ARID4A: variants seen among roughly 807,000 people sequenced by gnomAD.
ARID4A encodes the protein AT-rich interactive domain-containing protein 4A.
A neutral mutation model predicts 148.6 loss-of-function variants in ARID4A; 39 were observed. That is an observed-to-expected ratio of 0.26 (90% confidence interval 0.20 to 0.34). ARID4A has a LOEUF of 0.34. Ranked by LOEUF, ARID4A falls within the 10% of genes least tolerant of loss-of-function variation. The probability of loss-of-function intolerance (pLI) is 1.00; values close to 1 mark genes in which losing one functional copy is unlikely to be tolerated. For synonymous variants in ARID4A, 475 were observed against 481.2 expected (o/e 0.99, Z 0.17); for missense variants, 1,265 against 1,449.1 (o/e 0.87, Z 2.06).
chr14:58,369,562 C>T (rs1280823491), intron 23 of ARID4A, among the ~76,000 whole-genome samples: 2 of 149,310 alleles, frequency 1.3e-5, no homozygotes, highest in African/African-American at 2.5e-5. Context: ...GAAGTGAGCA[C>T]CGAGATCGCG....
intron 23 of ARID4A, among the ~76,000 whole-genome samples, chr14:58,367,465 T>C (rs1238484046): frequency 1.3e-5 from 2 of 152,244 alleles, no homozygotes; most frequent in African/African-American, 4.8e-5. Flanking sequence ...TCAGCAACTT[T>C]AAAGAGCACA....
At chr14:58,341,050 C>T (rs943257889) in intron 11 of ARID4A, among the ~76,000 whole-genome samples, 8 of 152,050 alleles carry the variant, frequency 5.3e-5, no homozygotes, top group African/African-American at 1.5e-4. Flanking sequence ...TCTCCCCATC[C>T]CTCCATCAGT....
At chr14:58,303,826 A>C (rs191446180) in intron 3 of ARID4A, 1 of 194,966 alleles carries the variant, frequency 5.1e-6, no homozygotes, top group African/African-American at 2.3e-5. Flanking sequence ...TAAAAGTTTA[A>C]GAATCAGGTT....
Position 58,361,027 on chromosome 14 carries a change from A to G in ARID4A, c.2065A>G (p.Ser689Gly), listed in dbSNP as rs756033293. 1.1e-5 allele frequency: 18 copies of G among 1,613,854 alleles called. No homozygotes were observed. The highest frequency in any genetic ancestry group is 1.5e-5 in the Non-Finnish European group (18 of 1,179,892). Residue 689 changes from serine (S) to glycine (G), a missense_variant, in exon 19 of 24, where the codon AGT (serine) becomes GGT (glycine). Physicochemically the swap from Ser to Gly is moderately conservative, Grantham distance 56. Coordinates refer to ENST00000355431, the MANE Select transcript of ARID4A (RefSeq NM_002892.4). ...MPYGLSKTAN[S>G]EGKSDSCSSD... ...GTATGGCTTATCTAAGACAGCAAAC[A>G]GTGAAGGAAAATCAGGTACCAGAAG...
intron 1 of ARID4A, 57 bp from the exon 2 acceptor site, chr14:58,299,741 G>A (rs1489847635): frequency 6.9e-7 from 1 of 1,446,356 alleles, no homozygotes; most frequent in Non-Finnish European, 9.7e-7. Flanking sequence ...TCTTTCCCTT[G>A]GTCGCTCCCC....
At chr14:58,346,810 C>T (rs1231764500) in intron 13 of ARID4A, among the ~76,000 whole-genome samples, 1 of 150,456 alleles carries the variant, frequency 6.6e-6, no homozygotes, top group Non-Finnish European at 1.5e-5. Flanking sequence ...TGCCTGTGGT[C>T]CCAACTACTC....
chr14:58,371,955 C>T lies in ARID4A; in HGVS notation c.3740C>T (p.Pro1247Leu). 1 of 1,611,860 alleles carries T rather than the reference C, an allele frequency of 6.2e-7. No homozygotes were observed. The change falls in exon 24 of 24, where the codon CCC becomes CTC. Residue 1247 changes from proline to leucine, a missense_variant. Transcript: ENST00000355431. The part of the protein sequence containing the change: ...DTGMSPSSSS[P>L]PQNVLAVECR ...GGAATGAGTCCCTCATCATCATCTC[C>T]CCCACAAAATGTACTTGCTGTAGAA...
intron 15 of ARID4A, among the ~76,000 whole-genome samples, chr14:58,348,302 A>C (rs1366528587): frequency 6.6e-6 from 1 of 152,208 alleles, no homozygotes; most frequent in Non-Finnish European, 1.5e-5. Flanking sequence ...CTACACTAGA[A>C]TCACACTCCA....
At chr14:58,336,220 T>A (rs956893178) in intron 11 of ARID4A, among the ~76,000 whole-genome samples, 1 of 152,268 alleles carries the variant, frequency 6.6e-6, no homozygotes, top group Non-Finnish European at 1.5e-5. Flanking sequence ...TGCATTCTTA[T>A]AATACACATA....
intron 15 of ARID4A, among the ~76,000 whole-genome samples, chr14:58,348,182 T>G (rs1245938395): frequency 6.6e-6 from 1 of 152,198 alleles, no homozygotes; most frequent in African/African-American, 2.4e-5. Context: ...TCACCTTATC[T>G]GAAATTGTAA....
At chr14:58,358,596 T>TA (rs1351657837) in intron 17 of ARID4A, among the ~76,000 whole-genome samples, 3 of 152,288 alleles carry the variant, frequency 2.0e-5, no homozygotes, top group African/African-American at 4.8e-5. Context: ...CAGATATCTC[T>TA]AAAAAATTTC....
chr14:58,310,634 C>T (rs1464727959), intron 5 of ARID4A, among the ~76,000 whole-genome samples: 2 of 151,034 alleles, frequency 1.3e-5, no homozygotes, highest in African/African-American at 2.4e-5. Flanking sequence ...CAAAGTGGAT[C>T]AAAGACTTAA....
At chr14:58,331,077 TGAAAC>T (rs2033489917) in intron 11 of ARID4A, among the ~76,000 whole-genome samples, 1 of 152,216 alleles carries the variant, frequency 6.6e-6, no homozygotes, top group Non-Finnish European at 1.5e-5. Context: ...ATTTATGAAA[TGAAAC>T]GAGTATAGTC....
At chr14:58,367,938 A>G (rs1005675479) in intron 23 of ARID4A, among the ~76,000 whole-genome samples, 12 of 152,182 alleles carry the variant, frequency 7.9e-5, no homozygotes, top group African/African-American at 2.2e-4. Flanking sequence ...AAGCAAGCCA[A>G]TTAATACCAT....
intron 11 of ARID4A, among the ~76,000 whole-genome samples, chr14:58,337,247 T>TAC (rs2033873868): frequency 1.4e-5 from 1 of 73,830 alleles, no homozygotes; most frequent in Non-Finnish European, 2.5e-5. Flanking sequence ...TCTCTTTATT[T>TAC]ATATATATAT....
intron 11 of ARID4A, among the ~76,000 whole-genome samples, chr14:58,332,889 G>A (rs1472555952): frequency 1.3e-5 from 2 of 152,078 alleles, no homozygotes; most frequent in Admixed American, 6.5e-5. Context: ...TTTTAGTATA[G>A]CAAGCAAATT....
intron 19 of ARID4A, among the ~76,000 whole-genome samples, chr14:58,363,903 A>G (rs1017061475): frequency 6.6e-6 from 1 of 152,158 alleles, no homozygotes; most frequent in East Asian, 1.9e-4. Flanking sequence ...TAAATATGAT[A>G]CTGGGGAATG....
Position 58,373,170 on chromosome 14 carries a change from C to T in ARID4A, c.*1181C>T, listed in dbSNP as rs1025571334. On this transcript the variant is annotated 3_prime_UTR_variant, in exon 24 of 24. Coordinates refer to ENST00000355431, the MANE Select transcript of ARID4A (RefSeq NM_002892.4). Reference sequence around the variant, plus strand: ...TGGTTGCCCTTAAGATACTTTGTCACAGTTTTTATGTTTGCTATACTGCCG... The same window carrying T: ...TGGTTGCCCTTAAGATACTTTGTCATAGTTTTTATGTTTGCTATACTGCCG... 1 of 200,654 alleles carries T rather than the reference C, an allele frequency of 5.0e-6. No homozygotes were observed. The highest frequency in any genetic ancestry group is 1.0e-5 in the Non-Finnish European group (1 of 97,200). The allele number at this position is 200,654 out of a possible 1,614,324, so 12.4% of individuals were successfully genotyped here.
chr14:58,365,176 T>C lies in ARID4A; in HGVS notation c.3087T>C (p.Val1029=), dbSNP rs1217376365. 2 of 1,614,082 alleles carry C rather than the reference T, an allele frequency of 1.2e-6. No individual in the cohort carries two copies. The highest frequency in any genetic ancestry group is 2.2e-5 in the South Asian group (2 of 91,076). ...VKSESDITIE[V]DSIAEESQEG... is the part of the protein sequence containing the mutation. The stretch of plus-strand genomic sequence containing the variant: ...GTGAGAGTGATATAACGATTGAAGT[T>C]GATAGTATTGCTGAAGAATCTCAAG... The change falls in exon 20 of 24, where the codon GTT becomes GTC. Residue 1029 remains valine (V), a synonymous_variant. Coordinates refer to ENST00000355431, the MANE Select transcript of ARID4A (RefSeq NM_002892.4).
Sources: allele counts gnomAD v4.1 joint callset (sites outside exome capture counted in the v4.1 genomes callset), GRCh38; gene constraint gnomAD v4.1.1; transcripts MANE v1.5; gene names NCBI Gene and HGNC (gene_info 2026-07-23, HGNC 2026-07-21).